Variants in SEMA5A observed in about 807,000 individuals in gnomAD.
SEMA5A encodes the protein semaphorin-5A.
Under a neutral mutation model 135.5 loss-of-function variants are expected in SEMA5A, and 55 were observed. The ratio of observed to expected loss-of-function variants is 0.41; its 90% CI spans 0.33 to 0.51. SEMA5A has a LOEUF of 0.51. Ranked by LOEUF, SEMA5A falls within the 20% of genes least tolerant of loss-of-function variation. The pLI, the probability that SEMA5A is intolerant of heterozygous loss-of-function variation, is 0.37. For synonymous variants in SEMA5A, 580 were observed against 546.5 expected (o/e 1.06, Z -0.85); for missense variants, 1,290 against 1,419.9 (o/e 0.91, Z 1.47).
At chr5:9,200,451 C>A (rs549093318) in intron 9 of SEMA5A, among the ~76,000 whole-genome samples, 12 of 152,280 alleles carry the variant, frequency 7.9e-5, no homozygotes, top group African/African-American at 2.9e-4. Context: ...GTCAACTGAG[C>A]AAATGCACAT....
At chr5:9,216,464 G>GT (rs1746635934) in intron 8 of SEMA5A, among the ~76,000 whole-genome samples, 1 of 152,138 alleles carries the variant, frequency 6.6e-6, no homozygotes, top group African/African-American at 2.4e-5. Context: ...ATGTCCTGTA[G>GT]TTTTTTGGTG....
chr5:9,337,133 AAC>A (rs1321304449), intron 4 of SEMA5A, among the ~76,000 whole-genome samples: 1 of 152,184 alleles, frequency 6.6e-6, no homozygotes, highest in Non-Finnish European at 1.5e-5. Flanking sequence ...TAGATACGGG[AAC>A]ACTCACACCC....
At chr5:9,171,268 G>T (rs571564223) in intron 11 of SEMA5A, among the ~76,000 whole-genome samples, 1 of 152,254 alleles carries the variant, frequency 6.6e-6, no homozygotes, top group East Asian at 1.9e-4. Flanking sequence ...AACAGGATCT[G>T]GTGAGCATAA....
chr5:9,259,142 C>T (rs7735941), intron 5 of SEMA5A, among the ~76,000 whole-genome samples: 1,528 of 152,206 alleles, frequency 0.01, 19 homozygotes, highest in African/African-American at 0.031. Context: ...TTACAAAAAG[C>T]CTTTTTAATC....
At chr5:9,450,647 G>C (rs1293209363) in intron 1 of SEMA5A, among the ~76,000 whole-genome samples, 1 of 151,906 alleles carries the variant, frequency 6.6e-6, no homozygotes, top group Admixed American at 6.6e-5. Context: ...AGAAAAGTTT[G>C]AAGGAGCTTT....
At chr5:9,203,273 A>G (rs888396643) in intron 8 of SEMA5A, among the ~76,000 whole-genome samples, 1 of 152,240 alleles carries the variant, frequency 6.6e-6, no homozygotes, top group Non-Finnish European at 1.5e-5. Flanking sequence ...TATAGCAGTA[A>G]CCTTTGGTGT....
intron 1 of SEMA5A, among the ~76,000 whole-genome samples, chr5:9,537,371 T>A (rs1032869460): frequency 2.0e-5 from 3 of 152,156 alleles, no homozygotes; most frequent in African/African-American, 4.8e-5. Flanking sequence ...ATCCTTGAAA[T>A]CTAGAGAACA....
chr5:9,468,169 T>A (rs1446328861), intron 1 of SEMA5A, among the ~76,000 whole-genome samples: 1 of 152,206 alleles, frequency 6.6e-6, no homozygotes, highest in Non-Finnish European at 1.5e-5. Flanking sequence ...GAGACTCTCA[T>A]GATTCAGAAC....
intron 1 of SEMA5A, chr5:9,522,877 C>T (rs1359480308): frequency 1.3e-5 from 2 of 152,170 alleles, no homozygotes; most frequent in Non-Finnish European, 2.9e-5. Flanking sequence ...CTGAGATAGA[C>T]GTGGCTTCCC....
chr5:9,149,219 G>C, intron 12 of SEMA5A, among the ~76,000 whole-genome samples: 1 of 152,184 alleles, frequency 6.6e-6, no homozygotes, highest in Non-Finnish European at 1.5e-5. Context: ...ACACTGCAAG[G>C]GAAGAGCTGA....
intron 2 of SEMA5A, among the ~76,000 whole-genome samples, chr5:9,429,472 A>G (rs1198618855): frequency 6.6e-6 from 1 of 152,228 alleles, no homozygotes; most frequent in East Asian, 1.9e-4. Flanking sequence ...ATGAGAAGGC[A>G]GGGGCAGAAG....
intron 4 of SEMA5A, among the ~76,000 whole-genome samples, chr5:9,327,146 ATAGT>A (rs944749931): frequency 1.6e-4 from 24 of 152,322 alleles, no homozygotes; most frequent in African/African-American, 4.6e-4. Flanking sequence ...TTATATTTAA[ATAGT>A]TAGATCACAT....
chr5:9,412,888 T>C (rs1579500918), intron 2 of SEMA5A, among the ~76,000 whole-genome samples: 2 of 152,146 alleles, frequency 1.3e-5, no homozygotes, highest in African/African-American at 4.8e-5. Context: ...GTTTTTTAGA[T>C]TAGAGATGCT....
chr5:9,283,261 G>A (rs1371269675), intron 5 of SEMA5A, among the ~76,000 whole-genome samples: 2 of 152,126 alleles, frequency 1.3e-5, no homozygotes, highest in Non-Finnish European at 2.9e-5. Context: ...CCTCTGTTTA[G>A]AAGCTCATTG....
intron 11 of SEMA5A, among the ~76,000 whole-genome samples, chr5:9,180,983 T>C (rs1188714515): frequency 5.9e-5 from 9 of 152,184 alleles, no homozygotes. Context: ...CATAAAAAGA[T>C]ACTCCTCTGT....
chr5:9,251,915 A>G (rs1417996803), intron 5 of SEMA5A, among the ~76,000 whole-genome samples: 1 of 152,170 alleles, frequency 6.6e-6, no homozygotes, highest in Non-Finnish European at 1.5e-5. Context: ...CATCTTACAC[A>G]GTAGGTAGAA....
intron 16 of SEMA5A, among the ~76,000 whole-genome samples, chr5:9,069,196 T>C (rs1737641204): frequency 6.6e-6 from 1 of 152,204 alleles, no homozygotes; most frequent in Non-Finnish European, 1.5e-5. Flanking sequence ...GAGCCATTCT[T>C]GCCATCTGGG....
At chr5:9,401,649 A>C (rs920406522) in intron 2 of SEMA5A, among the ~76,000 whole-genome samples, 1 of 152,180 alleles carries the variant, frequency 6.6e-6, no homozygotes, top group Non-Finnish European at 1.5e-5. Context: ...CAGTTCTATA[A>C]ATCGTTAGCA....
chr5:9,174,647 C>T (rs1744107497), intron 11 of SEMA5A, among the ~76,000 whole-genome samples: 1 of 152,138 alleles, frequency 6.6e-6, no homozygotes, highest in East Asian at 1.9e-4. Context: ...CATTGCCAGG[C>T]AGGGGCCATC....
Sources: gnomAD v4.1 joint callset for allele counts (sites outside exome capture counted in the v4.1 genomes callset) on GRCh38, gnomAD v4.1.1 for gene constraint, MANE v1.5 for transcripts, NCBI Gene and HGNC (gene_info 2026-07-23, HGNC 2026-07-21) for gene names.